FAT3: variants seen among roughly 807,000 people sequenced by gnomAD.
FAT3 encodes the protein FAT atypical cadherin 3, also known as protocadherin Fat 3.
A neutral mutation model predicts 310.2 loss-of-function variants in FAT3; 95 were observed. That is an observed-to-expected ratio of 0.31 (90% confidence interval 0.26 to 0.36). The LOEUF is 0.36. Ranked by LOEUF, FAT3 falls within the 10% of genes least tolerant of loss-of-function variation. FAT3 has a pLI of 1.00. For missense variants in FAT3, 5,408 were observed against 5,715.6 expected (o/e 0.95, Z 1.74); for synonymous variants, 2,314 against 2,192.9 (o/e 1.06, Z -1.54).
chr11:92,262,727 C>T (rs1865608025), intron 1 of FAT3, among the ~76,000 whole-genome samples: 1 of 152,074 alleles, frequency 6.6e-6, no homozygotes, highest in African/African-American at 2.4e-5. Flanking sequence ...ACTAGAATGT[C>T]CCACATGGGA....
At chr11:92,257,550 T>A (rs1390523525) in intron 1 of FAT3, among the ~76,000 whole-genome samples, 1 of 152,080 alleles carries the variant, frequency 6.6e-6, no homozygotes, top group African/African-American at 2.4e-5. Flanking sequence ...CGACAAAATG[T>A]GAAGCGTACA....
intron 19 of FAT3, among the ~76,000 whole-genome samples, chr11:92,851,454 C>T (rs1345655684): frequency 6.6e-6 from 1 of 152,096 alleles, no homozygotes; most frequent in Non-Finnish European, 1.5e-5. Context: ...TAGTTCAAGG[C>T]CACACAGTGA....
chr11:92,554,323 G>A (rs992393136), intron 3 of FAT3, among the ~76,000 whole-genome samples: 6 of 151,600 alleles, frequency 4.0e-5, no homozygotes, highest in Admixed American at 6.6e-5. Context: ...TTAGCCAGGC[G>A]TGGTGGCAGG....
intron 2 of FAT3, among the ~76,000 whole-genome samples, chr11:92,361,054 T>A (rs971357823): frequency 5.3e-5 from 8 of 152,192 alleles, no homozygotes; most frequent in Non-Finnish European, 1.0e-4. Context: ...ATGGAAATAT[T>A]TTTTTCTTGC....
intron 2 of FAT3, among the ~76,000 whole-genome samples, chr11:92,520,395 G>A (rs1188473501): frequency 1.3e-5 from 2 of 152,074 alleles, no homozygotes; most frequent in South Asian, 2.1e-4. Context: ...TGATGGATAT[G>A]TTTGTTGTTT....
intron 4 of FAT3, among the ~76,000 whole-genome samples, chr11:92,705,900 G>GGTGGTGGT (rs1944324902): frequency 3.9e-4 from 18 of 46,494 alleles, no homozygotes; most frequent in East Asian, 5.5e-4. Context: ...TGATGGTGGT[G>GGTGGTGGT]GTGATGGTGG....
chr11:92,231,417 A>G (rs932143075), intron 1 of FAT3, among the ~76,000 whole-genome samples: 11 of 152,144 alleles, frequency 7.2e-5, no homozygotes, highest in Non-Finnish European at 1.5e-4. Context: ...ACTTGATCCT[A>G]CTTGTACTTT....
intron 3 of FAT3, among the ~76,000 whole-genome samples, chr11:92,582,195 G>C (rs1938842945): frequency 6.6e-6 from 1 of 151,806 alleles, no homozygotes; most frequent in Non-Finnish European, 1.5e-5. Flanking sequence ...GGCTTTGGCT[G>C]GCTTCTTTAT....
At chr11:92,583,170 G>A (rs1294833747) in intron 3 of FAT3, among the ~76,000 whole-genome samples, 2 of 151,724 alleles carry the variant, frequency 1.3e-5, no homozygotes, top group African/African-American at 4.8e-5. Context: ...TTTGCATTTA[G>A]TGGATCTAAT....
intron 2 of FAT3, among the ~76,000 whole-genome samples, chr11:92,427,485 G>A (rs952795048): frequency 6.6e-6 from 1 of 152,114 alleles, no homozygotes; most frequent in African/African-American, 2.4e-5. Context: ...CGCCCATTCA[G>A]TATGATATTG....
intron 3 of FAT3, among the ~76,000 whole-genome samples, chr11:92,601,169 T>G (rs1377432766): frequency 6.6e-6 from 1 of 151,868 alleles, no homozygotes; most frequent in Non-Finnish European, 1.5e-5. Flanking sequence ...TAAAAGATTA[T>G]CTAGCTGCTA....
At chr11:92,566,934 G>A (rs36188135) in intron 3 of FAT3, among the ~76,000 whole-genome samples, 61 of 151,822 alleles carry the variant, frequency 4.0e-4, no homozygotes, top group African/African-American at 1.2e-3. Flanking sequence ...CATAAAAACC[G>A]TAGAAGAAAA....
At chr11:92,306,756 T>C (rs1273622991) in intron 1 of FAT3, among the ~76,000 whole-genome samples, 1 of 128,724 alleles carries the variant, frequency 7.8e-6, no homozygotes, top group Non-Finnish European at 1.6e-5. Flanking sequence ...TATATATAAA[T>C]ATATATATAA....
rs1300301742 is a variant in FAT3, at chr11:92,649,874, C to CATGTATATAT, written c.3608-47508_3608-47507insGTATATATAT. Among the ~76,000 whole-genome samples the CATGTATATAT allele has an allele frequency of 2.6e-4, 13 of 49,684 alleles. 1 individual carries two copies. The highest frequency in any genetic ancestry group is 1.0e-3 in the African/African-American group (13 of 12,584). 32.6% of individuals were successfully genotyped at this position (49,684 alleles called of 152,430 possible). A position where few individuals can be genotyped will look rare whatever the true frequency, so the allele number is the denominator to read the frequency against. ...TTGTTAAACACCCACTTTGTATGTT[C>CATGTATATAT]ATATATATATATATATATATATATA... is the stretch of plus-strand genomic sequence containing the variant. On this transcript the variant is annotated intron_variant, in intron 3 of 27. Coordinates refer to ENST00000525166, the MANE Select transcript of FAT3 (RefSeq NM_001367949.2).
rs1189889897 is a variant in FAT3 at position 92,800,741 on chromosome 11, T to C, written c.7728T>C (p.Asp2576=). ...GDVSIFVRAL[D]GGGRTTFCTV... is the part of the protein sequence containing the mutation. ...TTAGTATTTTTGTGAGGGCCCTTGA[T>C]GGTGGAGGGAGAACAACTTTCTGCA... Residue 2576 remains aspartate (D), a synonymous_variant, in exon 10 of 28, where the codon GAT becomes GAC. Coordinates refer to ENST00000525166, the MANE Select transcript of FAT3 (RefSeq NM_001367949.2). 1.2e-6 allele frequency: 2 copies of C among 1,613,720 alleles called. No homozygotes were observed. The highest frequency in any genetic ancestry group is 1.3e-5 in the African/African-American group (1 of 74,878).
chr11:92,522,644 AG>A lies in FAT3; in HGVS notation c.3293-1988del, dbSNP rs1953724624. ...GACCACTAAAACTCTGGTTGGACAGAGGATTTGTCTCACAAACATTACTTTC... is the reference window on the plus strand; with the variant it reads ...GACCACTAAAACTCTGGTTGGACAGAGATTTGTCTCACAAACATTACTTTC... On this transcript the variant is annotated intron_variant, in intron 2 of 27. Coordinates refer to ENST00000525166, the MANE Select transcript of FAT3 (RefSeq NM_001367949.2). Among the ~76,000 whole-genome samples the A allele has an allele frequency of 1.3e-5, 2 of 152,158 alleles. 1 individual carries two copies. Among genetic ancestry groups the A allele is most frequent in the South Asian group, 4.1e-4 (2 of 4,832 alleles).
chr11:92,514,961 GA>G (rs940083924), intron 2 of FAT3, among the ~76,000 whole-genome samples: 1 of 152,102 alleles, frequency 6.6e-6, no homozygotes, highest in African/African-American at 2.4e-5. Flanking sequence ...ACCTGATTTG[GA>G]ACAGAGTCTG....
At chr11:92,599,915 G>C (rs968657694) in intron 3 of FAT3, among the ~76,000 whole-genome samples, 2 of 152,176 alleles carry the variant, frequency 1.3e-5, no homozygotes, top group Admixed American at 1.3e-4. Context: ...GAAAGGTTTA[G>C]TGATGACTGC....
At chr11:92,837,543 A>C in intron 16 of FAT3, 120 bp from the exon 17 acceptor site, 5 of 1,260,322 alleles carry the variant, frequency 4.0e-6, no homozygotes, top group Non-Finnish European at 5.5e-6. Flanking sequence ...GGTCTGGAAA[A>C]TCAAACTAAA....
Sources: gnomAD v4.1 joint callset for allele counts (sites outside exome capture counted in the v4.1 genomes callset) on GRCh38, gnomAD v4.1.1 for gene constraint, MANE v1.5 for transcripts, NCBI Gene and HGNC (gene_info 2026-07-23, HGNC 2026-07-21) for gene names.